The following AGBL1 variants were observed in gnomAD, a reference collection of about 807,000 sequenced individuals.
AGBL1 encodes the protein AGBL carboxypeptidase 1.
A neutral mutation model predicts 118.9 loss-of-function variants in AGBL1; 130 were observed. The observed-to-expected ratio is 1.09, with a 90% CI of 0.95 to 1.26. The LOEUF (loss-of-function observed/expected upper bound fraction) is 1.26. Ranked by LOEUF, AGBL1 falls within the 50% of genes most tolerant of loss-of-function variation. AGBL1 has a pLI of 0.00. For synonymous variants in AGBL1, 555 were observed against 478.9 expected (o/e 1.16, Z -2.08); for missense variants, 1,584 against 1,298.1 (o/e 1.22, Z -3.38).
intron 22 of AGBL1, among the ~76,000 whole-genome samples, chr15:86,738,972 TA>T (rs200181217): frequency 1.0e-4 from 15 of 148,220 alleles, no homozygotes; most frequent in African/African-American, 2.0e-4. Context: ...ACCTCATCTC[TA>T]AAAAAAAAAT....
intron 22 of AGBL1, among the ~76,000 whole-genome samples, chr15:86,699,577 T>C (rs1281995417): frequency 2.7e-5 from 3 of 109,616 alleles, no homozygotes; most frequent in Admixed American, 1.1e-4. Flanking sequence ...TAAAAGATTT[T>C]AGTCAGTTAT....
At chr15:86,649,762 CTT>C (rs1223921649) in intron 21 of AGBL1, among the ~76,000 whole-genome samples, 3 of 133,968 alleles carry the variant, frequency 2.2e-5, no homozygotes, top group African/African-American at 2.8e-5. Context: ...ATTCAACATT[CTT>C]TTTTTTTTTG....
intron 5 of AGBL1, among the ~76,000 whole-genome samples, chr15:86,161,639 C>T (rs1360332484): frequency 6.6e-6 from 1 of 152,144 alleles, no homozygotes; most frequent in Non-Finnish European, 1.5e-5. Context: ...ACCCATGGAA[C>T]AATTTGCTTA....
At position 86,502,919 on chromosome 15, in the gene AGBL1, T is replaced by C. The variant is rs545703191; in HGVS notation, c.2556-19891T>C. Among the ~76,000 whole-genome samples the C allele has an allele frequency of 1.8e-3, 271 of 151,572 alleles. 8 individuals are homozygous for C. In the South Asian group the frequency reaches 0.054, roughly 30 times the overall value. On this transcript the variant is annotated intron_variant, in intron 18 of 22. Coordinates refer to ENST00000614907, the MANE Select transcript of AGBL1 (RefSeq NM_001386094.1). ...CTTTGGTTTTGCTACCCGGCTAATA[T>C]TGGACTCACAGAATGAGTTGAAAAT...
chr15:86,960,149 C>T (rs547816766), intron 23 of AGBL1, among the ~76,000 whole-genome samples: 11 of 152,138 alleles, frequency 7.2e-5, no homozygotes, highest in East Asian at 1.9e-4. Flanking sequence ...TCTTGCTTTC[C>T]GCACAGTCTG....
At chr15:86,084,011 G>A (rs917772197) in intron 1 of AGBL1, among the ~76,000 whole-genome samples, 9 of 152,336 alleles carry the variant, frequency 5.9e-5, no homozygotes, top group Non-Finnish European at 1.0e-4. Flanking sequence ...TTCTGGGTTT[G>A]TTGGAGATAC....
At chr15:86,817,463 TACACACAC>T (rs143498374) in intron 22 of AGBL1, among the ~76,000 whole-genome samples, 35 of 133,486 alleles carry the variant, frequency 2.6e-4, no homozygotes, top group East Asian at 1.1e-3. Context: ...CTCTGAGAGA[TACACACAC>T]ACACACACAC....
chr15:86,254,579 A>G (rs141156239), intron 7 of AGBL1, among the ~76,000 whole-genome samples: 240 of 152,338 alleles, frequency 1.6e-3, no homozygotes, highest in African/African-American at 5.6e-3. Context: ...CATCCCTTCC[A>G]AGTAGCAGAT....
At chr15:86,300,566 G>A (rs934080357) in intron 17 of AGBL1, among the ~76,000 whole-genome samples, 7 of 152,098 alleles carry the variant, frequency 4.6e-5, no homozygotes, top group Non-Finnish European at 8.8e-5. Flanking sequence ...CTGGGAGGGG[G>A]TGGATATGCT....
intron 22 of AGBL1, among the ~76,000 whole-genome samples, chr15:86,866,347 T>G (rs2079629353): frequency 6.6e-6 from 1 of 152,198 alleles, no homozygotes; most frequent in East Asian, 1.9e-4. Flanking sequence ...GCCTGAGCCA[T>G]ATTTACTTCA....
At chr15:86,262,732 G>C in intron 9 of AGBL1, 46 bp from the exon 10 acceptor site, 1 of 1,293,228 alleles carries the variant, frequency 7.7e-7, no homozygotes, top group East Asian at 2.4e-5. Flanking sequence ...TGCTTCTCAG[G>C]GTGGATTTCC....
At chr15:86,467,467 C>T (rs1567008209) in intron 18 of AGBL1, among the ~76,000 whole-genome samples, 1 of 152,176 alleles carries the variant, frequency 6.6e-6, no homozygotes, top group Non-Finnish European at 1.5e-5. Flanking sequence ...AGCCCCCTTT[C>T]CAGGGCAGTG....
intron 6 of AGBL1, 39 bp downstream of exon 6, chr15:86,224,990 T>G (rs1257754367): frequency 6.2e-7 from 1 of 1,603,016 alleles, no homozygotes; most frequent in Non-Finnish European, 8.5e-7. Flanking sequence ...TTCTCTCCAC[T>G]CTGGGTTTAA....
chr15:86,857,601 C>T (rs545690244), intron 22 of AGBL1, among the ~76,000 whole-genome samples: 24 of 152,276 alleles, frequency 1.6e-4, no homozygotes, highest in Admixed American at 5.2e-4. Context: ...AGGCCTTCCC[C>T]GACCCTTCTG....
chr15:86,905,350 C>G (rs551725177), intron 22 of AGBL1, among the ~76,000 whole-genome samples: 4 of 152,276 alleles, frequency 2.6e-5, no homozygotes, highest in South Asian at 2.1e-4. Flanking sequence ...TCACATTGCA[C>G]TAATAGGCAA....
chr15:86,674,527 T>C, intron 22 of AGBL1, 91 bp downstream of exon 22: 7 of 1,292,968 alleles, frequency 5.4e-6, no homozygotes, highest in African/African-American at 4.4e-5. Context: ...GACCTAGGGG[T>C]CTTTACACAG....
chr15:86,185,197 C>A (rs2141809803), intron 5 of AGBL1, among the ~76,000 whole-genome samples: 1 of 152,242 alleles, frequency 6.6e-6, no homozygotes, highest in African/African-American at 2.4e-5. Flanking sequence ...AAATCAAAAC[C>A]ACAATGAGAT....
chr15:86,729,734 A>G (rs923793657), intron 22 of AGBL1, among the ~76,000 whole-genome samples: 1 of 152,232 alleles, frequency 6.6e-6, no homozygotes. Flanking sequence ...TGCAATGAAC[A>G]TATGAGTGCA....
intron 18 of AGBL1, among the ~76,000 whole-genome samples, chr15:86,500,610 A>T (rs1009650495): frequency 0.21 from 3 of 14 alleles, no homozygotes; most frequent in African/African-American, 0.5. Flanking sequence ...ATTCCAGTAC[A>T]ATTTTCATCT....
Sources: allele counts gnomAD v4.1 joint callset (sites outside exome capture counted in the v4.1 genomes callset), GRCh38; gene constraint gnomAD v4.1.1; transcripts MANE v1.5; gene names NCBI Gene and HGNC (gene_info 2026-07-23, HGNC 2026-07-21).